TCF7L2: variants seen among roughly 807,000 people sequenced by gnomAD.
TCF7L2 encodes the protein transcription factor 7-like 2.
In TCF7L2, 23 loss-of-function variants were observed where a neutral mutation model predicts 77.9. That is an observed-to-expected ratio of 0.30 (90% CI 0.21 to 0.42). The LOEUF is 0.42. Ranked by LOEUF, TCF7L2 falls within the 10% of genes least tolerant of loss-of-function variation. TCF7L2 has a pLI of 1.00. For missense variants in TCF7L2, 654 were observed against 793.1 expected, an observed-to-expected ratio of 0.82 and a Z score of 2.11; for synonymous variants, 413 against 340.2, an observed-to-expected ratio of 1.21 and a Z score of -2.36.
At chr10:112,974,854 A>G (rs932453098) in intron 4 of TCF7L2, among the ~76,000 whole-genome samples, 1 of 152,260 alleles carries the variant, frequency 6.6e-6, no homozygotes, top group Non-Finnish European at 1.5e-5. Context: ...AGAAATTTCT[A>G]AATGGGTTGT....
At chr10:113,058,520 T>C (rs1384822813) in intron 5 of TCF7L2, among the ~76,000 whole-genome samples, 1 of 152,120 alleles carries the variant, frequency 6.6e-6, no homozygotes, top group African/African-American at 2.4e-5. Context: ...GACTCCACAC[T>C]GTGATCCTCC....
At position 113,019,909 on chromosome 10, in the gene TCF7L2, G is replaced by T. The variant is rs144966689; in HGVS notation, c.451-20116G>T. Among the ~76,000 whole-genome samples the T allele has an allele frequency of 7.9e-5, 12 of 152,182 alleles. No homozygotes were observed. In the East Asian group the frequency reaches 2.3e-3, roughly 29 times the overall value. On this transcript the variant is annotated intron_variant, in intron 4 of 13. Transcript: ENST00000627217. ...AGTGCAGTGATACGGATGGAGGCAG[G>T]TTTACGTTATGTTAAAGGCTTGACA...
At chr10:112,969,646 A>G (rs1465938720) in intron 4 of TCF7L2, among the ~76,000 whole-genome samples, 1 of 152,146 alleles carries the variant, frequency 6.6e-6, no homozygotes, top group Non-Finnish European at 1.5e-5. Context: ...TAGGGTGAGC[A>G]GTAAATTTAT....
chr10:112,950,999 C>T (rs2134183575), intron 1 of TCF7L2, 54 bp downstream of exon 1: 2 of 1,547,346 alleles, frequency 1.3e-6, no homozygotes, highest in East Asian at 2.3e-5. Flanking sequence ...CTGGGCTTGG[C>T]AAATGTTGCT....
intron 5 of TCF7L2, among the ~76,000 whole-genome samples, chr10:113,045,113 C>G (rs967654749): frequency 6.6e-6 from 1 of 152,018 alleles, no homozygotes; most frequent in South Asian, 2.1e-4. Flanking sequence ...AAGCGTTGTC[C>G]TTTTAGAGAG....
At chr10:113,152,007 T>C in intron 10 of TCF7L2, 123 bp downstream of exon 10, 1 of 1,353,910 alleles carries the variant, frequency 7.4e-7, no homozygotes, top group Non-Finnish European at 9.9e-7. Flanking sequence ...TTCAGCCACA[T>C]TCTGAATCCT....
At chr10:113,041,554 G>A (rs1332108800) in intron 5 of TCF7L2, among the ~76,000 whole-genome samples, 2 of 152,164 alleles carry the variant, frequency 1.3e-5, no homozygotes, top group Non-Finnish European at 2.9e-5. Context: ...TCCTACAGGA[G>A]GTGAAAATAA....
At chr10:112,991,507 CAA>C (rs372874107) in intron 4 of TCF7L2, among the ~76,000 whole-genome samples, 1 of 122,548 alleles carries the variant, frequency 8.2e-6, no homozygotes. Context: ...GACTCCATCT[CAA>C]AAAAAAAAAG....
chr10:113,128,949 CTCTCTTTCTTTCTCTCTCTG>C (rs1264743724), intron 5 of TCF7L2, among the ~76,000 whole-genome samples: 1 of 152,168 alleles, frequency 6.6e-6, no homozygotes, highest in African/African-American at 2.4e-5. Context: ...TTCTCTCTCT[CTCTCTTTCTTTCTCTCTCTG>C]TGTTCCTGGG....
chr10:113,123,054 G>A (rs947343487), intron 5 of TCF7L2, among the ~76,000 whole-genome samples: 2 of 152,200 alleles, frequency 1.3e-5, no homozygotes, highest in African/African-American at 4.8e-5. Flanking sequence ...TCAGTAGATC[G>A]GAGTTAGGAT....
chr10:113,004,589 G>T (rs1373752471), intron 4 of TCF7L2, among the ~76,000 whole-genome samples: 6 of 152,194 alleles, frequency 3.9e-5, no homozygotes, highest in African/African-American at 1.4e-4. Flanking sequence ...TCTCCCAGTT[G>T]TGACTCAATC....
intron 4 of TCF7L2, among the ~76,000 whole-genome samples, chr10:113,025,932 A>G (rs1217794102): frequency 6.6e-6 from 1 of 150,748 alleles, no homozygotes; most frequent in Non-Finnish European, 1.5e-5. Context: ...GGGTGGAGTG[A>G]CAGTGGTGCT....
At chr10:113,150,834 T>C (rs2137113849) in intron 8 of TCF7L2, 164 bp from the exon 9 acceptor site, 1 of 811,438 alleles carries the variant, frequency 1.2e-6, no homozygotes, top group Non-Finnish European at 1.9e-6. Flanking sequence ...AGAATCATTA[T>C]GTTTAATTTA....
At chr10:113,101,023 T>C (rs2061571324) in intron 5 of TCF7L2, among the ~76,000 whole-genome samples, 1 of 151,962 alleles carries the variant, frequency 6.6e-6, no homozygotes, top group Admixed American at 6.5e-5. Context: ...TGTGGTGAGC[T>C]GAGATCGCGC....
chr10:113,161,353 G>T, intron 13 of TCF7L2: 1 of 573,780 alleles, frequency 1.7e-6, no homozygotes, highest in East Asian at 2.9e-5. Flanking sequence ...CAAAATATAT[G>T]TGTGTATATA....
chr10:113,070,787 T>A (rs977791475), intron 5 of TCF7L2, among the ~76,000 whole-genome samples: 9 of 152,218 alleles, frequency 5.9e-5, no homozygotes, highest in African/African-American at 2.2e-4. Flanking sequence ...GTTATTGAGA[T>A]ATAATTCACA....
At chr10:113,095,627 C>T (rs968071703) in intron 5 of TCF7L2, among the ~76,000 whole-genome samples, 6 of 152,180 alleles carry the variant, frequency 3.9e-5, no homozygotes, top group Non-Finnish European at 5.9e-5. Context: ...GGAAAACAGA[C>T]GCGGAGAAGC....
intron 5 of TCF7L2, among the ~76,000 whole-genome samples, chr10:113,043,556 C>T (rs1590915344): frequency 6.6e-6 from 1 of 152,178 alleles, no homozygotes; most frequent in African/African-American, 2.4e-5. Flanking sequence ...TTATACAAGG[C>T]GTCAGTCTTT....
At chr10:113,024,851 C>G (rs1308345616) in intron 4 of TCF7L2, among the ~76,000 whole-genome samples, 1 of 152,118 alleles carries the variant, frequency 6.6e-6, no homozygotes, top group Non-Finnish European at 1.5e-5. Context: ...AACTCCTGAC[C>G]TCAAGTGATC....
Sources: gnomAD v4.1 joint callset for allele counts (sites outside exome capture counted in the v4.1 genomes callset) on GRCh38, gnomAD v4.1.1 for gene constraint, MANE v1.5 for transcripts, NCBI Gene and HGNC (gene_info 2026-07-23, HGNC 2026-07-21) for gene names.